The following RORA variants were observed in gnomAD, a reference collection of about 807,000 sequenced individuals.
The protein encoded by RORA is nuclear receptor ROR-alpha.
RORA carries 7 observed loss-of-function variants against 69.5 expected under a neutral mutation model. The observed-to-expected ratio is 0.10, with a 90% CI of 0.06 to 0.19. The LOEUF is 0.19. RORA is among the 10% of genes least tolerant of loss of function. The pLI is 1.00. For missense variants in RORA, 457 were observed against 663.0 expected, an observed-to-expected ratio of 0.69 and a Z score of 3.41; for synonymous variants, 261 against 240.8, an observed-to-expected ratio of 1.08 and a Z score of -0.78.
intron 1 of RORA, among the ~76,000 whole-genome samples, chr15:61,120,930 C>A (rs2079097369): frequency 6.7e-6 from 1 of 148,582 alleles, no homozygotes; most frequent in Admixed American, 6.7e-5. Context: ...TCACTGCAAC[C>A]TCCGCCTCCC....
intron 1 of RORA, among the ~76,000 whole-genome samples, chr15:60,999,951 T>C (rs1216717723): frequency 1.3e-5 from 2 of 150,394 alleles, no homozygotes; most frequent in South Asian, 2.1e-4. Context: ...AATCTGCCCC[T>C]TTCCCCCTCA....
At chr15:61,191,365 CAAAA>C (rs55815707) in intron 1 of RORA, among the ~76,000 whole-genome samples, 42 of 136,540 alleles carry the variant, frequency 3.1e-4, no homozygotes, top group Non-Finnish European at 3.5e-4. Context: ...CTCCTTGTAG[CAAAA>C]AAAAAAAAAA....
chr15:61,034,478 C>T (rs569635658), intron 1 of RORA, among the ~76,000 whole-genome samples: 1 of 152,140 alleles, frequency 6.6e-6, no homozygotes, highest in East Asian at 1.9e-4. Flanking sequence ...TTGTTATTCC[C>T]TGTTAAAAAA....
intron 2 of RORA, among the ~76,000 whole-genome samples, chr15:60,661,435 G>A (rs1208245294): frequency 1.3e-5 from 2 of 152,114 alleles, no homozygotes; most frequent in African/African-American, 4.8e-5. Flanking sequence ...AATACCCAGG[G>A]CAGACTGATC....
chr15:60,504,544 TCAAAA>T (rs1161117262), intron 6 of RORA, among the ~76,000 whole-genome samples: 10 of 152,128 alleles, frequency 6.6e-5, no homozygotes, highest in South Asian at 2.1e-4. Flanking sequence ...TGAGACTGTC[TCAAAA>T]CAAAACAAAA....
rs572068603 is a variant in RORA at position 60,491,068 on chromosome 15, A to G, written c.*6387T>C. ...TACCACTGTTTAATATGAGATTTCA[A>G]ACTGTGTGGATAACAGGAGAATTTT... On this transcript the variant is annotated 3_prime_UTR_variant, in exon 11 of 11. Transcript: ENST00000335670. 6.6e-6 allele frequency: 1 copy of G among 152,290 alleles called. No individual in the cohort carries two copies. Among genetic ancestry groups the G allele is most frequent in the African/African-American group, 2.4e-5 (1 of 41,590 alleles). The allele number at this position is 152,290 out of a possible 1,614,324, so 9.4% of individuals were successfully genotyped here. A position where few individuals can be genotyped will look rare whatever the true frequency, so the allele number is the denominator to read the frequency against.
chr15:61,132,620 G>A (rs2079201236), intron 1 of RORA, among the ~76,000 whole-genome samples: 1 of 151,862 alleles, frequency 6.6e-6, no homozygotes, highest in South Asian at 2.1e-4. Flanking sequence ...AATAACTTAG[G>A]GTTTGTTCTT....
At chr15:60,946,779 T>C (rs1272025150) in intron 1 of RORA, among the ~76,000 whole-genome samples, 2 of 148,794 alleles carry the variant, frequency 1.3e-5, no homozygotes. Flanking sequence ...GTCTGGGAAG[T>C]GAGGAGCACC....
At chr15:60,913,933 T>C (rs1413931044) in intron 1 of RORA, among the ~76,000 whole-genome samples, 1 of 152,226 alleles carries the variant, frequency 6.6e-6, no homozygotes, top group Admixed American at 6.5e-5. Context: ...CTGCTTCCTA[T>C]GGAACTCAGT....
At chr15:61,175,429 A>T (rs976927288) in intron 1 of RORA, among the ~76,000 whole-genome samples, 1 of 151,962 alleles carries the variant, frequency 6.6e-6, no homozygotes. Context: ...GATAGGGGCC[A>T]GGCACGGTGA....
At chr15:60,555,967 T>G (rs1312951615) in intron 2 of RORA, among the ~76,000 whole-genome samples, 1 of 152,178 alleles carries the variant, frequency 6.6e-6, no homozygotes, top group African/African-American at 2.4e-5. Context: ...GTAGTGATTG[T>G]GGAACCTCGG....
Position 60,592,147 on chromosome 15 carries a change from G to A in RORA, c.197-60296C>T, listed in dbSNP as rs1596027056. ...CAAGAGACTGACAGGAGCCGGAGGG[G>A]GCAGCAGAGGGGGATCCACCCCGTG... On this transcript the variant is annotated intron_variant, in intron 2 of 10. Coordinates refer to ENST00000335670, the MANE Select transcript of RORA (RefSeq NM_134261.3). Among the ~76,000 whole-genome samples, 6 of 151,980 alleles carry A rather than the reference G, an allele frequency of 3.9e-5. 1 individual carries two copies. In the South Asian group the frequency reaches 1.2e-3, roughly 31 times the overall value.
chr15:60,540,457 G>GA (rs1213334619), intron 2 of RORA, among the ~76,000 whole-genome samples: 1 of 151,074 alleles, frequency 6.6e-6, no homozygotes, highest in Non-Finnish European at 1.5e-5. Context: ...AAGCCTACGA[G>GA]AAAACCACTC....
At chr15:60,688,760 C>G (rs372915386) in intron 1 of RORA, among the ~76,000 whole-genome samples, 4 of 152,094 alleles carry the variant, frequency 2.6e-5, no homozygotes, top group African/African-American at 9.7e-5. Context: ...ACACAGTGCT[C>G]GAGAATGCAG....
At chr15:60,980,502 C>G (rs542319289) in intron 1 of RORA, among the ~76,000 whole-genome samples, 5 of 152,262 alleles carry the variant, frequency 3.3e-5, no homozygotes, top group African/African-American at 1.2e-4. Context: ...ATGGAGTCAT[C>G]TGGTCCTGAG....
intron 2 of RORA, among the ~76,000 whole-genome samples, chr15:60,566,399 TAGGC>T (rs991365099): frequency 1.3e-5 from 2 of 152,216 alleles, no homozygotes; most frequent in Non-Finnish European, 2.9e-5. Flanking sequence ...AACTTGGTCA[TAGGC>T]AGGGAAGAGG....
intron 2 of RORA, among the ~76,000 whole-genome samples, chr15:60,662,357 A>G (rs1450197714): frequency 1.3e-5 from 2 of 152,246 alleles, no homozygotes; most frequent in African/African-American, 4.8e-5. Flanking sequence ...CAGATACTGT[A>G]TCTCAATTAT....
chr15:60,808,775 T>C (rs1348869945), intron 1 of RORA, among the ~76,000 whole-genome samples: 1 of 151,574 alleles, frequency 6.6e-6, no homozygotes, highest in Admixed American at 6.6e-5. Context: ...CAAATTTATG[T>C]GTATATATAC....
At chr15:60,872,502 T>C (rs1399744965) in intron 1 of RORA, among the ~76,000 whole-genome samples, 1 of 152,046 alleles carries the variant, frequency 6.6e-6, no homozygotes, top group Non-Finnish European at 1.5e-5. Context: ...GTGCACAGAA[T>C]TTAGCAACCA....
Sources: allele counts gnomAD v4.1 joint callset (sites outside exome capture counted in the v4.1 genomes callset), GRCh38; gene constraint gnomAD v4.1.1; transcripts MANE v1.5; gene names NCBI Gene and HGNC (gene_info 2026-07-23, HGNC 2026-07-21).